MDGA2: variants seen among roughly 807,000 people sequenced by gnomAD.
MDGA2 encodes MAM domain-containing glycosylphosphatidylinositol anchor protein 2.
MDGA2 carries 40 observed loss-of-function variants against 117.8 expected under a neutral mutation model. That is an observed-to-expected ratio of 0.34 (90% CI 0.26 to 0.44). MDGA2 has a LOEUF of 0.44. Ranked by LOEUF, MDGA2 falls within the 20% of genes least tolerant of loss-of-function variation. The probability of loss-of-function intolerance (pLI) is 1.00; values close to 1 mark genes in which losing one functional copy is unlikely to be tolerated. For missense variants in MDGA2, 1,123 were observed against 1,250.6 expected (o/e 0.90, Z 1.54); for synonymous variants, 452 against 439.0 (o/e 1.03, Z -0.37).
chr14:47,291,566 T>A (rs957104536), intron 2 of MDGA2, among the ~76,000 whole-genome samples: 3 of 152,190 alleles, frequency 2.0e-5, no homozygotes, highest in African/African-American at 7.2e-5. Flanking sequence ...GCCTAGCCTA[T>A]CTTAAACATG....
chr14:47,550,632 T>A (rs1299916311), intron 1 of MDGA2, among the ~76,000 whole-genome samples: 1 of 152,150 alleles, frequency 6.6e-6, no homozygotes, highest in African/African-American at 2.4e-5. Context: ...ATTCACTGTT[T>A]TTTTTTTCAC....
At chr14:47,131,912 T>A in intron 4 of MDGA2, 66 bp from the exon 5 acceptor site, 1 of 1,257,248 alleles carries the variant, frequency 8.0e-7, no homozygotes, top group Non-Finnish European at 1.1e-6. Context: ...GAATGAAACA[T>A]CACATCACAT....
At chr14:46,983,244 GT>G (rs1265417262) in intron 8 of MDGA2, among the ~76,000 whole-genome samples, 1 of 151,972 alleles carries the variant, frequency 6.6e-6, no homozygotes. Flanking sequence ...AAACAAAACT[GT>G]TTTTGGCAAA....
intron 1 of MDGA2, among the ~76,000 whole-genome samples, chr14:47,635,034 A>G (rs1382746325): frequency 6.6e-6 from 1 of 152,120 alleles, no homozygotes; most frequent in Non-Finnish European, 1.5e-5. Context: ...AATAATAATA[A>G]TACCTACCCA....
intron 2 of MDGA2, among the ~76,000 whole-genome samples, chr14:47,268,080 T>G (rs1001239515): frequency 1.3e-5 from 2 of 151,996 alleles, no homozygotes; most frequent in African/African-American, 2.4e-5. Flanking sequence ...TTCTTCTTTT[T>G]TTTTTTTTTG....
At chr14:47,526,366 A>G (rs1187479810) in intron 1 of MDGA2, among the ~76,000 whole-genome samples, 1 of 152,158 alleles carries the variant, frequency 6.6e-6, no homozygotes, top group Non-Finnish European at 1.5e-5. Flanking sequence ...GAAGGCAGGT[A>G]AGGTACTGAT....
At chr14:47,580,333 T>G (rs964945373) in intron 1 of MDGA2, among the ~76,000 whole-genome samples, 2 of 152,138 alleles carry the variant, frequency 1.3e-5, no homozygotes, top group African/African-American at 4.8e-5. Flanking sequence ...AGAAGCTCCC[T>G]CACACCTCTT....
chr14:47,589,741 T>C (rs551872908), intron 1 of MDGA2, among the ~76,000 whole-genome samples: 5 of 152,108 alleles, frequency 3.3e-5, no homozygotes, highest in Non-Finnish European at 5.9e-5. Flanking sequence ...ATGGAAGCTA[T>C]AGATTAATTT....
At chr14:46,910,844 G>A (rs918713822) in intron 10 of MDGA2, among the ~76,000 whole-genome samples, 48 of 152,228 alleles carry the variant, frequency 3.2e-4, no homozygotes, top group African/African-American at 1.1e-3. Flanking sequence ...TCCTTTGCGG[G>A]GACACGGATG....
At chr14:46,970,145 A>C (rs1002301309) in intron 8 of MDGA2, among the ~76,000 whole-genome samples, 1 of 151,904 alleles carries the variant, frequency 6.6e-6, no homozygotes, top group African/African-American at 2.4e-5. Context: ...TATAGATTCA[A>C]AGCAGTCCTT....
At chr14:47,314,023 A>T (rs1427500815) in intron 1 of MDGA2, among the ~76,000 whole-genome samples, 1 of 152,186 alleles carries the variant, frequency 6.6e-6, no homozygotes, top group Admixed American at 6.6e-5. Flanking sequence ...ATGGAAAAAT[A>T]TTGACATTAT....
intron 2 of MDGA2, among the ~76,000 whole-genome samples, chr14:47,266,446 A>G (rs905612193): frequency 1.3e-5 from 2 of 152,178 alleles, no homozygotes; most frequent in African/African-American, 4.8e-5. Context: ...CGAGTCTTCT[A>G]CTTCGTCTCC....
chr14:47,586,533 C>T (rs1594930743), intron 1 of MDGA2, among the ~76,000 whole-genome samples: 2 of 152,048 alleles, frequency 1.3e-5, no homozygotes, highest in South Asian at 4.1e-4. Flanking sequence ...TATCTGCAGA[C>T]ATCAGGACTC....
At chr14:46,986,088 A>G (rs562920619) in intron 8 of MDGA2, among the ~76,000 whole-genome samples, 4 of 152,068 alleles carry the variant, frequency 2.6e-5, no homozygotes, top group Non-Finnish European at 5.9e-5. Context: ...GAATCTTGCT[A>G]AAATATCAAG....
At chr14:47,248,052 G>A (rs1332792742) in intron 2 of MDGA2, among the ~76,000 whole-genome samples, 5 of 151,476 alleles carry the variant, frequency 3.3e-5, no homozygotes, top group African/African-American at 1.2e-4. Context: ...ATCATTGATG[G>A]GCATTTGGAT....
At position 46,957,427 on chromosome 14, in the gene MDGA2, T is replaced by C. The variant is rs1456681718; in HGVS notation, c.2036A>G (p.Asn679Ser). The C allele has an allele frequency of 2.5e-6, 4 of 1,614,112 alleles. No individual in the cohort carries two copies. Among genetic ancestry groups the C allele is most frequent in the Non-Finnish European group, 2.5e-6 (3 of 1,180,004 alleles). Residue 679 changes from asparagine (N) to serine (S), a missense_variant, in exon 9 of 17, where the codon AAC (asparagine) becomes AGC (serine). Asn to Ser is a conservative substitution (Grantham distance 46). Coordinates refer to ENST00000399232, the MANE Select transcript of MDGA2 (RefSeq NM_001113498.3). ...TCCAGCTTCATTTATGATGCTACAGTTATAAACCCCATAGTTTTCATTGGA... is the reference window on the plus strand; with the variant it reads ...TCCAGCTTCATTTATGATGCTACAGCTATAAACCCCATAGTTTTCATTGGA... The part of the protein sequence containing the change: ...SLSNENYGVY[N>S]CSIINEAGAG...
intron 4 of MDGA2, among the ~76,000 whole-genome samples, chr14:47,137,251 A>C (rs1882501059): frequency 6.6e-6 from 1 of 152,188 alleles, no homozygotes; most frequent in Non-Finnish European, 1.5e-5. Context: ...TGGTATGCAC[A>C]TCCATATCCT....
At chr14:47,128,153 G>C (rs1346458399) in intron 5 of MDGA2, among the ~76,000 whole-genome samples, 1 of 152,022 alleles carries the variant, frequency 6.6e-6, no homozygotes, top group Non-Finnish European at 1.5e-5. Context: ...TTTTGCATAA[G>C]TCAATTTAGT....
intron 1 of MDGA2, among the ~76,000 whole-genome samples, chr14:47,468,696 A>C (rs544238682): frequency 2.2e-4 from 33 of 152,202 alleles, no homozygotes; most frequent in African/African-American, 7.2e-4. Flanking sequence ...GTTAAATAGT[A>C]TTAAAATCAA....
Sources: gnomAD v4.1 joint callset for allele counts (sites outside exome capture counted in the v4.1 genomes callset) on GRCh38, gnomAD v4.1.1 for gene constraint, MANE v1.5 for transcripts, NCBI Gene and HGNC (gene_info 2026-07-23, HGNC 2026-07-21) for gene names.